PARP15: variants seen among roughly 807,000 people sequenced by gnomAD.
PARP15 encodes protein mono-ADP-ribosyltransferase PARP15.
A neutral mutation model predicts 62.1 loss-of-function variants in PARP15; 50 were observed. The ratio of observed to expected loss-of-function variants is 0.81; its 90% CI spans 0.64 to 1.02. PARP15 has a LOEUF of 1.02. PARP15 is among the 50% of genes least tolerant of loss of function. The probability of loss-of-function intolerance (pLI) is 0.00; values close to 1 mark genes in which losing one functional copy is unlikely to be tolerated. For missense variants in PARP15, 820 were observed against 826.5 expected (o/e 0.99, Z 0.10); for synonymous variants, 309 against 293.1 (o/e 1.05, Z -0.55).
chr3:122,581,728 C>T (rs955995606), intron 1 of PARP15, among the ~76,000 whole-genome samples: 6 of 152,246 alleles, frequency 3.9e-5, no homozygotes, highest in South Asian at 2.1e-4. Flanking sequence ...CTTTGCTATG[C>T]GGTTTTTTGC....
intron 1 of PARP15, among the ~76,000 whole-genome samples, chr3:122,583,409 G>C (rs928385409): frequency 1.3e-5 from 2 of 151,934 alleles, no homozygotes; most frequent in African/African-American, 4.8e-5. Context: ...TTACAGGCGT[G>C]AGCCACCAAG....
At chr3:122,611,309 T>C (rs1047915558) in intron 3 of PARP15, among the ~76,000 whole-genome samples, 1 of 152,054 alleles carries the variant, frequency 6.6e-6, no homozygotes, top group Non-Finnish European at 1.5e-5. Context: ...AAAATAATAA[T>C]CCAACCACCA....
At chr3:122,615,611 A>G in intron 4 of PARP15, 168 bp from the exon 5 acceptor site, 1 of 1,418,154 alleles carries the variant, frequency 7.1e-7, no homozygotes, top group Non-Finnish European at 9.5e-7. Context: ...ATTTGTGGAG[A>G]AAATTCCTAG....
intron 8 of PARP15, among the ~76,000 whole-genome samples, chr3:122,624,616 T>G (rs1198241226): frequency 6.6e-6 from 1 of 152,170 alleles, no homozygotes; most frequent in African/African-American, 2.4e-5. Flanking sequence ...CTTAGTAAAA[T>G]TTCAAAAGTA....
intron 3 of PARP15, among the ~76,000 whole-genome samples, chr3:122,612,720 G>A (rs951615033): frequency 3.3e-5 from 5 of 151,764 alleles, no homozygotes; most frequent in African/African-American, 7.3e-5. Flanking sequence ...GAGCCACCGC[G>A]CCCTGCCAAT....
intron 1 of PARP15, among the ~76,000 whole-genome samples, chr3:122,580,508 A>G (rs1459865907): frequency 6.6e-6 from 1 of 152,200 alleles, no homozygotes; most frequent in Non-Finnish European, 1.5e-5. Context: ...TACCGTCTTA[A>G]CCATTTTTAA....
intron 1 of PARP15, among the ~76,000 whole-genome samples, chr3:122,584,047 T>G (rs1029340204): frequency 6.6e-6 from 1 of 150,772 alleles, no homozygotes; most frequent in African/African-American, 2.4e-5. Flanking sequence ...TGTGGTAAGC[T>G]CCATGTGGAG....
At chr3:122,612,614 G>GT (rs1475142179) in intron 3 of PARP15, among the ~76,000 whole-genome samples, 1 of 151,744 alleles carries the variant, frequency 6.6e-6, no homozygotes, top group African/African-American at 2.4e-5. Flanking sequence ...TTTTGTTTTT[G>GT]TATTTTTAGT....
chr3:122,616,903 G>A, intron 5 of PARP15, 112 bp from the exon 6 acceptor site: 1 of 1,278,222 alleles, frequency 7.8e-7, no homozygotes, highest in African/African-American at 1.5e-5. Flanking sequence ...TTCGGTTTAT[G>A]TTGGGGGAAA....
intron 1 of PARP15, among the ~76,000 whole-genome samples, chr3:122,593,001 G>A (rs1172125432): frequency 6.6e-6 from 1 of 152,006 alleles, no homozygotes; most frequent in East Asian, 1.9e-4. Context: ...TTATCTTCTA[G>A]TCACCTTGAA....
In PARP15 at chr3:122,577,828, C is replaced by T. The variant is rs961996900; in HGVS notation, c.161C>T (p.Ser54Phe). ...PAGNRGARKA[S>F]RRSSSRSMSR... The stretch of plus-strand genomic sequence containing the variant: ...GGGAACCGTGGGGCGCGGAAGGCCT[C>T]CCGGCGCTCTTCCTCCCGGAGTATG... The change falls in exon 1 of 12, where the codon TCC becomes TTC. Residue 54 changes from serine (S) to phenylalanine (F), a missense_variant. Around this residue, in one of 3 missense-constraint regions of PARP15, gnomAD observed 731 missense variants for 727.7 expected, o/e 1.00. Transcript: ENST00000464300. The T allele has an allele frequency of 7.7e-6, 12 of 1,550,084 alleles. No homozygotes were observed. The highest frequency in any genetic ancestry group is 2.4e-5 in the East Asian group (1 of 40,876).
Position 122,619,830 on chromosome 3 carries a change from A to G in PARP15, c.1050A>G (p.Glu350=). The G allele has an allele frequency of 6.2e-7, 1 of 1,613,390 alleles. No individual in the cohort carries two copies. Among genetic ancestry groups the G allele is most frequent in the Middle Eastern group, 1.7e-4 (1 of 6,060 alleles). Residue 350 remains glutamate, a synonymous_variant, in exon 7 of 12, where the codon GAA becomes GAG. Transcript: ENST00000464300. The part of the protein sequence containing the change: ...LEGAGQAVES[E]CAVLAAQPHR... ...GTGCTGGACAAGCTGTGGAAAGTGAATGTGCTGTACTAGGTATGGGCACAT... is the reference window on the plus strand; with the variant it reads ...GTGCTGGACAAGCTGTGGAAAGTGAGTGTGCTGTACTAGGTATGGGCACAT...
intron 1 of PARP15, among the ~76,000 whole-genome samples, chr3:122,584,907 G>C (rs1933300376): frequency 6.6e-6 from 1 of 152,084 alleles, no homozygotes; most frequent in African/African-American, 2.4e-5. Context: ...ATTTTGTTAG[G>C]AATCGGTGTT....
At chr3:122,584,929 A>G (rs1933302530) in intron 1 of PARP15, among the ~76,000 whole-genome samples, 1 of 152,100 alleles carries the variant, frequency 6.6e-6, no homozygotes, top group Admixed American at 6.6e-5. Context: ...AATTTGGTCT[A>G]AGTTTTTTCA....
Position 122,635,025 on chromosome 3 carries a change from G to A in PARP15, c.1578G>A (p.Glu526=), listed in dbSNP as rs1490716728. ...TTGTCTTTTGTTACCTGCAGATTGA[G>A]AGGATACAGAATGCATTTCTCTGGC... The part of the protein sequence containing the change: ...TCSSYAIEKI[E]RIQNAFLWQS... The change falls in exon 11 of 12, where the codon GAG becomes GAA. Residue 526 remains glutamate, a synonymous_variant. Coordinates refer to ENST00000464300, the MANE Select transcript of PARP15 (RefSeq NM_001113523.3). 1.2e-6 allele frequency: 2 copies of A among 1,613,704 alleles called. No homozygotes were observed. Among genetic ancestry groups the A allele is most frequent in the African/African-American group, 1.3e-5 (1 of 74,904 alleles).
intron 1 of PARP15, among the ~76,000 whole-genome samples, chr3:122,583,712 G>A (rs932674247): frequency 6.6e-6 from 1 of 152,154 alleles, no homozygotes; most frequent in African/African-American, 2.4e-5. Flanking sequence ...TTTCCACCAT[G>A]GAGGCAAAAC....
rs558758443 is a variant in PARP15, at chr3:122,617,432, A to C, written c.1000+268A>C. ...TTAGATGGGGTGTTAACTGATATAA[A>C]GGTGGAGTTTAACTGACGCATTGTA... On this transcript the variant is annotated intron_variant, in intron 6 of 11. Transcript: ENST00000464300. Among the ~76,000 whole-genome samples the C allele has an allele frequency of 3.3e-5, 5 of 152,314 alleles. No homozygotes were observed. In the East Asian group the frequency reaches 9.6e-4, roughly 29 times the overall value.
rs1428247592 is a variant in PARP15, at chr3:122,638,047, G to A, written c.*1947G>A. ...TCCCACCTGTGAGTGAGAACATGTG[G>A]TGTTTGGTTTTTTGTCCTTGCGATA... On this transcript the variant is annotated 3_prime_UTR_variant, in exon 12 of 12. Coordinates refer to ENST00000464300, the MANE Select transcript of PARP15 (RefSeq NM_001113523.3). 6.6e-6 allele frequency: 1 copy of A among 152,182 alleles called. No homozygotes were observed. The highest frequency in any genetic ancestry group is 1.9e-4 in the East Asian group (1 of 5,202). 9.4% of individuals were successfully genotyped at this position (152,182 alleles called of 1,614,324 possible).
chr3:122,606,246 ATGTACTCATGTGG>A (rs1935152712), intron 2 of PARP15, among the ~76,000 whole-genome samples, 191 bp downstream of exon 2: 3 of 152,204 alleles, frequency 2.0e-5, no homozygotes, highest in Non-Finnish European at 4.4e-5. Flanking sequence ...ATTCTTCCAC[ATGTACTCATGTGG>A]AGGGGTTCAA....
Sources: gnomAD v4.1 joint callset for allele counts (sites outside exome capture counted in the v4.1 genomes callset) on GRCh38, gnomAD v4.1.1 for gene constraint, gnomAD v4.1.1 regional missense constraint, MANE v1.5 for transcripts, NCBI Gene and HGNC (gene_info 2026-07-23, HGNC 2026-07-21) for gene names.